Variants in FOXS1 observed in about 807,000 individuals in gnomAD.
The protein encoded by FOXS1 is forkhead box S1.
FOXS1 carries 7 observed loss-of-function variants against 13.0 expected under a neutral mutation model. The ratio of observed to expected loss-of-function variants is 0.54; its 90% CI spans 0.31 to 1.01. The LOEUF (loss-of-function observed/expected upper bound fraction) is 1.01. Ranked by LOEUF, FOXS1 falls within the 50% of genes least tolerant of loss-of-function variation. FOXS1 has a pLI of 0.06. For missense variants in FOXS1, 414 were observed against 464.1 expected (o/e 0.89, Z 0.99); for synonymous variants, 161 against 189.3 (o/e 0.85, Z 1.23).
Position 31,845,130 on chromosome 20 carries a change from C to T in FOXS1, c.413G>A (p.Ser138Asn). 6.2e-7 allele frequency: 1 copy of T among 1,607,018 alleles called. No homozygotes were observed. The highest frequency in any genetic ancestry group is 2.2e-5 in the East Asian group (1 of 44,736). Residue 138 changes from serine (S) to asparagine (N), a missense_variant, in exon 1 of 1, where the codon AGC becomes AAC. Physicochemically the swap from Ser to Asn is conservative, Grantham distance 46. Transcript: ENST00000375978. Reference protein sequence around the residue: ...KARRGPLRATSQDPGVPNATT... With the variant: ...KARRGPLRATNQDPGVPNATT... ...GGCGTTGGGGACTCCTGGGTCCTGGCTGGTCGCCCTGAGGGGTCCACGGCG... is the reference window on the plus strand; with the variant it reads ...GGCGTTGGGGACTCCTGGGTCCTGGTTGGTCGCCCTGAGGGGTCCACGGCG...
Position 31,844,628 on chromosome 20 carries a change from A to G in FOXS1, c.915T>C (p.Pro305=). The G allele has an allele frequency of 6.2e-7, 1 of 1,613,692 alleles. No homozygotes were observed. The highest frequency in any genetic ancestry group is 8.5e-7 in the Non-Finnish European group (1 of 1,179,808). The change falls in exon 1 of 1, where the codon CCT becomes CCC. Residue 305 remains proline (P), a synonymous_variant. Coordinates refer to ENST00000375978, the MANE Select transcript of FOXS1 (RefSeq NM_004118.4). ...HKEPWVAGGF[P]VQGGSGYPLG... ...ATGGGTAGCCGGAGCCTCCCTGGAC[A>G]GGGAAGCCACCTGCAACCCAGGGTT...
Position 31,845,112 on chromosome 20 carries a change from G to A in FOXS1, c.431C>T (p.Pro144Leu). ...GCACTGCCTGCCGGTCGTGGCGTTG[G>A]GGACTCCTGGGTCCTGGCTGGTCGC... ...LRATSQDPGV[P>L]NATTGRQCSF... Residue 144 changes from proline (P) to leucine (L), a missense_variant, in exon 1 of 1, where the codon CCC (proline) becomes CTC (leucine). Transcript: ENST00000375978. 6.2e-7 allele frequency: 1 copy of A among 1,608,238 alleles called. No homozygotes were observed. The highest frequency in any genetic ancestry group is 1.1e-5 in the South Asian group (1 of 90,860).
chr20:31,844,877 G>C lies in FOXS1; in HGVS notation c.666C>G (p.Ala222=). The change falls in exon 1 of 1, where the codon GCC becomes GCG. Residue 222 remains alanine (A), a synonymous_variant. Transcript: ENST00000375978. The part of the protein sequence containing the change: ...SSSCPAFGFP[A]GFSEAESFNK... ...TAAAACTCTCAGCCTCTGAGAAGCCGGCAGGAAAGCCAAACGCTGGGCATG... is the reference window on the plus strand; with the variant it reads ...TAAAACTCTCAGCCTCTGAGAAGCCCGCAGGAAAGCCAAACGCTGGGCATG... 1 of 1,614,250 alleles carries C rather than the reference G, an allele frequency of 6.2e-7. No homozygotes were observed. Among genetic ancestry groups the C allele is most frequent in the South Asian group, 1.1e-5 (1 of 91,090 alleles).
At position 31,845,221 on chromosome 20, in the gene FOXS1, G is replaced by A. The variant is rs568883076; in HGVS notation, c.322C>T (p.Leu108=). 41 of 1,613,306 alleles carry A rather than the reference G, an allele frequency of 2.5e-5. No homozygotes were observed. In the South Asian group the frequency reaches 4.2e-4, roughly 16 times the overall value. ...CHDMFEHGSF[L]RRRRRFTRQT... ...CGGGTGAAGCGGCGGCGGCGGCGTAGGAAGCTGCCGTGCTCAAACATGTCG... is the reference window on the plus strand; with the variant it reads ...CGGGTGAAGCGGCGGCGGCGGCGTAAGAAGCTGCCGTGCTCAAACATGTCG... Residue 108 remains leucine, a synonymous_variant, in exon 1 of 1, where the codon CTA becomes TTA. Transcript: ENST00000375978.
rs752495717 is a variant in FOXS1, at chr20:31,845,448, T to C, written c.95A>G (p.Gln32Arg). 3 of 1,614,214 alleles carry C rather than the reference T, an allele frequency of 1.9e-6. No homozygotes were observed. The South Asian group carries it at 3.3e-5, about 18-fold the overall frequency. The stretch of plus-strand genomic sequence containing the variant: ...GGTGGCCCGCTGCCCCGGTGAGCTC[T>C]GGATGGCCATAGCAATAAGGGCGAT... ...SYIALIAMAI[Q>R]SSPGQRATLS... The change falls in exon 1 of 1, where the codon CAG becomes CGG. Residue 32 changes from glutamine (Q) to arginine (R), a missense_variant. Gln to Arg is a conservative substitution (Grantham distance 43). Coordinates refer to ENST00000375978, the MANE Select transcript of FOXS1 (RefSeq NM_004118.4).
rs1374878995 is a variant in FOXS1 at position 31,845,049 on chromosome 20, C to G, written c.494G>C (p.Ser165Thr). Residue 165 changes from serine (S) to threonine (T), a missense_variant, in exon 1 of 1, where the codon AGC becomes ACC. Transcript: ENST00000375978. ...CATGGCCCCCACCAGACCCCCAAAGCTTAGGCCCTTGGGATCTGGCAGCTC... is the reference window on the plus strand; with the variant it reads ...CATGGCCCCCACCAGACCCCCAAAGGTTAGGCCCTTGGGATCTGGCAGCTC... ...PPELPDPKGL[S>T]FGGLVGAMPA... 7.4e-6 allele frequency: 12 copies of G among 1,612,434 alleles called. No homozygotes were observed. Among genetic ancestry groups the G allele is most frequent in the South Asian group, 1.1e-5 (1 of 91,064 alleles).
rs765725671 is a variant in FOXS1, at chr20:31,844,810, C to T, written c.733G>A (p.Gly245Arg). 24 of 1,614,058 alleles carry T rather than the reference C, an allele frequency of 1.5e-5. No homozygotes were observed. The East Asian group carries it at 1.8e-4, about 12-fold the overall frequency. ...TPVLSPESGI[G>R]SSYQCRLQAL... ...TGCAGCCGACACTGGTAGCTGCTCC[C>T]GATGCCTGATTCCGGGGACAAGACG... The change falls in exon 1 of 1, where the codon GGG (glycine) becomes AGG (arginine). Residue 245 changes from glycine (G) to arginine (R), a missense_variant. Transcript: ENST00000375978.
Position 31,844,893 on chromosome 20 carries a change from G to A in FOXS1, c.650C>T (p.Ala217Val), listed in dbSNP as rs767801347. Residue 217 changes from alanine (A) to valine (V), a missense_variant, in exon 1 of 1, where the codon GCG becomes GTG. Physicochemically the swap from Ala to Val is moderately conservative, Grantham distance 64. Coordinates refer to ENST00000375978, the MANE Select transcript of FOXS1 (RefSeq NM_004118.4). ...PVATSSSSCPAFGFPAGFSEA... is the reference protein window; with the variant it reads ...PVATSSSSCPVFGFPAGFSEA... ...TGAGAAGCCGGCAGGAAAGCCAAAC[G>A]CTGGGCATGAGGAAGATGAGGTGGC... The A allele has an allele frequency of 2.5e-6, 4 of 1,614,134 alleles. No individual in the cohort carries two copies. In the South Asian group the frequency reaches 3.3e-5, roughly 13 times the overall value.
At position 31,844,948 on chromosome 20, in the gene FOXS1, TG is replaced by T; in HGVS notation, c.594del (p.Lys199SerfsTer57). On this transcript the variant is annotated frameshift_variant, in exon 1 of 1. Coordinates refer to ENST00000375978, the MANE Select transcript of FOXS1 (RefSeq NM_004118.4). LOFTEE classifies it high-confidence loss of function. The part of the protein sequence containing the change: ...PPMEPKEIST[P>X]KPACPGELPV... ...GGGAGCTCCCCTGGGCATGCAGGCT[TG>T]GGCGTGGAAATCTCTTTGGGCTCCA... is the stretch of plus-strand genomic sequence containing the variant. The T allele has an allele frequency of 6.2e-7, 1 of 1,614,212 alleles. No individual in the cohort carries two copies. Among genetic ancestry groups the T allele is most frequent in the African/African-American group, 1.3e-5 (1 of 75,066 alleles).
At position 31,844,370 on chromosome 20, in the gene FOXS1, C is replaced by T. The variant is rs2062360190; in HGVS notation, c.*180G>A. 3 of 692,356 alleles carry T rather than the reference C, an allele frequency of 4.3e-6. No homozygotes were observed. The highest frequency in any genetic ancestry group is 2.7e-5 in the East Asian group (1 of 36,592). 42.9% of individuals were successfully genotyped at this position (692,356 alleles called of 1,614,324 possible). A position where few individuals can be genotyped will look rare whatever the true frequency, so the allele number is the denominator to read the frequency against. On this transcript the variant is annotated 3_prime_UTR_variant, in exon 1 of 1. Coordinates refer to ENST00000375978, the MANE Select transcript of FOXS1 (RefSeq NM_004118.4). ...AATCCCAAGAGGCCCTGCTTCCCCT[C>T]ACCCCCAAGTTTGTCCGGAGGCCCC... is the stretch of plus-strand genomic sequence containing the variant.
Position 31,844,456 on chromosome 20 carries a change from A to G in FOXS1, c.*94T>C. 1.4e-6 allele frequency: 2 copies of G among 1,456,260 alleles called. No individual in the cohort carries two copies. Among genetic ancestry groups the G allele is most frequent in the South Asian group, 1.3e-5 (1 of 77,292 alleles). The allele number at this position is 1,456,260 out of a possible 1,614,324, so 90.2% of individuals were successfully genotyped here. A position where few individuals can be genotyped will look rare whatever the true frequency, so the allele number is the denominator to read the frequency against. On this transcript the variant is annotated 3_prime_UTR_variant, in exon 1 of 1. Coordinates refer to ENST00000375978, the MANE Select transcript of FOXS1 (RefSeq NM_004118.4). ...TCTGTGTGGTTGTCCTTGGCTCACC[A>G]GGGCTGGGTCCTTCGAGAGTTCTTC...
In FOXS1 at chr20:31,844,747, C is replaced by G; in HGVS notation, c.796G>C (p.Glu266Gln). Residue 266 changes from glutamate to glutamine, a missense_variant, in exon 1 of 1, where the codon GAG (glutamate) becomes CAG (glutamine). Glu to Gln is a conservative substitution (Grantham distance 29). Coordinates refer to ENST00000375978, the MANE Select transcript of FOXS1 (RefSeq NM_004118.4). ...GGGGCTGCTGAGGCCAAGAGGTGCTCAAGGCCTGGGTCAGCCCCCATGCAA... is the reference window on the plus strand; with the variant it reads ...GGGGCTGCTGAGGCCAAGAGGTGCTGAAGGCCTGGGTCAGCCCCCATGCAA... ...NFCMGADPGL[E>Q]HLLASAAPSP... The G allele has an allele frequency of 1.2e-6, 2 of 1,613,920 alleles. No individual in the cohort carries two copies. The highest frequency in any genetic ancestry group is 1.7e-6 in the Non-Finnish European group (2 of 1,179,892).
In FOXS1 at chr20:31,845,223, A is replaced by T; in HGVS notation, c.320T>A (p.Phe107Tyr). 1 of 1,613,464 alleles carries T rather than the reference A, an allele frequency of 6.2e-7. No homozygotes were observed. Among genetic ancestry groups the T allele is most frequent in the East Asian group, 2.2e-5 (1 of 44,868 alleles). The change falls in exon 1 of 1, where the codon TTC becomes TAC. Residue 107 changes from phenylalanine (F) to tyrosine (Y), a missense_variant. Transcript: ENST00000375978. ...DCHDMFEHGSFLRRRRRFTRQ... is the reference protein window; with the variant it reads ...DCHDMFEHGSYLRRRRRFTRQ... ...GGTGAAGCGGCGGCGGCGGCGTAGG[A>T]AGCTGCCGTGCTCAAACATGTCGTG...
In FOXS1 at chr20:31,845,216, G is replaced by A; in HGVS notation, c.327C>T (p.Arg109=). The A allele has an allele frequency of 1.2e-6, 2 of 1,612,958 alleles. No individual in the cohort carries two copies. Among genetic ancestry groups the A allele is most frequent in the Non-Finnish European group, 1.7e-6 (2 of 1,179,296 alleles). ...HDMFEHGSFL[R]RRRRFTRQTG... ...TCTGCCGGGTGAAGCGGCGGCGGCG[G>A]CGTAGGAAGCTGCCGTGCTCAAACA... is the stretch of plus-strand genomic sequence containing the variant. The change falls in exon 1 of 1, where the codon CGC becomes CGT. Residue 109 remains arginine (R), a synonymous_variant. Coordinates refer to ENST00000375978, the MANE Select transcript of FOXS1 (RefSeq NM_004118.4).
chr20:31,845,104 T>A lies in FOXS1; in HGVS notation c.439A>T (p.Thr147Ser). ...TSQDPGVPNA[T>S]TGRQCSFPPE... The stretch of plus-strand genomic sequence containing the variant: ...GGGAATGAGCACTGCCTGCCGGTCG[T>A]GGCGTTGGGGACTCCTGGGTCCTGG... Residue 147 changes from threonine to serine, a missense_variant, in exon 1 of 1, where the codon ACG (threonine) becomes TCG (serine). Transcript: ENST00000375978. The A allele has an allele frequency of 6.2e-7, 1 of 1,608,646 alleles. No individual in the cohort carries two copies. The highest frequency in any genetic ancestry group is 8.5e-7 in the Non-Finnish European group (1 of 1,178,398).
Position 31,844,604 on chromosome 20 carries a change from T to C in FOXS1, c.939A>G (p.Pro313=). 3 of 1,613,868 alleles carry C rather than the reference T, an allele frequency of 1.9e-6. No homozygotes were observed. The highest frequency in any genetic ancestry group is 4.5e-5 in the East Asian group (2 of 44,866). ...GGTATAGGCAGGGGGTCAGCCCCAA[T>C]GGGTAGCCGGAGCCTCCCTGGACAG... ...GFPVQGGSGY[P]LGLTPCLYRT... is the part of the protein sequence containing the mutation. The change falls in exon 1 of 1, where the codon CCA becomes CCG. Residue 313 remains proline (P), a synonymous_variant. Coordinates refer to ENST00000375978, the MANE Select transcript of FOXS1 (RefSeq NM_004118.4).
Position 31,845,248 on chromosome 20 carries a change from G to A in FOXS1, c.295C>T (p.His99Tyr). ...AAGCTGCCGTGCTCAAACATGTCGT[G>A]GCAGTCAGGGTCCAGCGTCCAGTAG... ...GSYWTLDPDCHDMFEHGSFLR... is the reference protein window; with the variant it reads ...GSYWTLDPDCYDMFEHGSFLR... Residue 99 changes from histidine to tyrosine, a missense_variant, in exon 1 of 1, where the codon CAC becomes TAC. Transcript: ENST00000375978. 1 of 1,614,106 alleles carries A rather than the reference G, an allele frequency of 6.2e-7. No individual in the cohort carries two copies. The highest frequency in any genetic ancestry group is 8.5e-7 in the Non-Finnish European group (1 of 1,179,964).
In FOXS1 at chr20:31,845,205, C is replaced by T. The variant is rs759430132; in HGVS notation, c.338G>A (p.Arg113His). 11 of 1,608,214 alleles carry T rather than the reference C, an allele frequency of 6.8e-6. No homozygotes were observed. Among genetic ancestry groups the T allele is most frequent in the Middle Eastern group, 1.7e-4 (1 of 6,034 alleles). Residue 113 changes from arginine (R) to histidine (H), a missense_variant, in exon 1 of 1, where the codon CGC becomes CAC. Transcript: ENST00000375978. The part of the protein sequence containing the change: ...EHGSFLRRRR[R>H]FTRQTGAEGT... ...CTCAGCACCTGTCTGCCGGGTGAAGCGGCGGCGGCGGCGTAGGAAGCTGCC... is the reference window on the plus strand; with the variant it reads ...CTCAGCACCTGTCTGCCGGGTGAAGTGGCGGCGGCGGCGTAGGAAGCTGCC...
In FOXS1 at chr20:31,845,217, C is replaced by T. The variant is rs767116932; in HGVS notation, c.326G>A (p.Arg109His). 11 of 1,612,934 alleles carry T rather than the reference C, an allele frequency of 6.8e-6. No individual in the cohort carries two copies. The East Asian group carries it at 8.9e-5, about 13-fold the overall frequency. Residue 109 changes from arginine to histidine, a missense_variant, in exon 1 of 1, where the codon CGC becomes CAC. Coordinates refer to ENST00000375978, the MANE Select transcript of FOXS1 (RefSeq NM_004118.4). The part of the protein sequence containing the change: ...HDMFEHGSFL[R>H]RRRRFTRQTG... Reference sequence around the variant, plus strand: ...CTGCCGGGTGAAGCGGCGGCGGCGGCGTAGGAAGCTGCCGTGCTCAAACAT... The same window carrying T: ...CTGCCGGGTGAAGCGGCGGCGGCGGTGTAGGAAGCTGCCGTGCTCAAACAT...
Sources: allele counts gnomAD v4.1 joint callset, GRCh38; gene constraint gnomAD v4.1.1; transcripts MANE v1.5; gene names NCBI Gene and HGNC (gene_info 2026-07-23, HGNC 2026-07-21).